Variants in ROBO1 observed in about 807,000 individuals in gnomAD.
ROBO1 encodes the protein roundabout homolog 1.
Under a neutral mutation model 195.9 loss-of-function variants are expected in ROBO1, and 149 were observed. The observed-to-expected ratio is 0.76, with a 90% confidence interval of 0.67 to 0.87. The LOEUF (loss-of-function observed/expected upper bound fraction) is 0.87. ROBO1 is among the 40% of genes least tolerant of loss of function. ROBO1 has a pLI of 0.00. For missense variants in ROBO1, 1,933 were observed against 2,068.3 expected (o/e 0.93, Z 1.27); for synonymous variants, 816 against 733.2 (o/e 1.11, Z -1.82).
chr3:79,200,547 A>T (rs2081743834), intron 2 of ROBO1, among the ~76,000 whole-genome samples: 1 of 151,836 alleles, frequency 6.6e-6, no homozygotes, highest in Non-Finnish European at 1.5e-5. Flanking sequence ...ACATACTGTA[A>T]TAAGAAAACA....
At chr3:79,357,901 A>T in intron 2 of ROBO1, among the ~76,000 whole-genome samples, 1 of 152,264 alleles carries the variant, frequency 6.6e-6, no homozygotes, top group African/African-American at 2.4e-5. Context: ...TTTGCGGATT[A>T]GTGGAAACAA....
chr3:78,676,211 C>T (rs1405919400), intron 10 of ROBO1, among the ~76,000 whole-genome samples: 1 of 152,082 alleles, frequency 6.6e-6, no homozygotes, highest in Non-Finnish European at 1.5e-5. Context: ...GTAGATAAAA[C>T]CAGAAAGATG....
At chr3:79,557,157 A>G (rs115525613) in intron 2 of ROBO1, among the ~76,000 whole-genome samples, 1 of 152,000 alleles carries the variant, frequency 6.6e-6, no homozygotes, top group Admixed American at 6.6e-5. Context: ...GTTTAAAATT[A>G]TTAAATTAAT....
intron 3 of ROBO1, among the ~76,000 whole-genome samples, chr3:78,973,599 A>C: frequency 7.2e-6 from 1 of 139,388 alleles, no homozygotes. Context: ...ATATATATAT[A>C]GCTTCTTAGG....
intron 3 of ROBO1, among the ~76,000 whole-genome samples, chr3:79,109,426 T>C (rs1247383935): frequency 6.6e-6 from 1 of 152,010 alleles, no homozygotes; most frequent in Non-Finnish European, 1.5e-5. Context: ...ACATACCACA[T>C]AAATGAAGCA....
At chr3:78,757,134 C>T (rs1025967801) in intron 4 of ROBO1, among the ~76,000 whole-genome samples, 12 of 152,096 alleles carry the variant, frequency 7.9e-5, no homozygotes, top group African/African-American at 2.9e-4. Context: ...TCACGTGAGC[C>T]ACCTGCGTCA....
At chr3:78,689,136 C>T (rs192570362) in intron 8 of ROBO1, among the ~76,000 whole-genome samples, 1 of 152,256 alleles carries the variant, frequency 6.6e-6, no homozygotes, top group East Asian at 1.9e-4. Context: ...TTTAATCATA[C>T]ACACAAGGAT....
intron 1 of ROBO1, among the ~76,000 whole-genome samples, chr3:79,644,521 G>A (rs951544849): frequency 6.6e-6 from 1 of 152,124 alleles, no homozygotes; most frequent in African/African-American, 2.4e-5. Context: ...AAGAAAGAGA[G>A]CTTGTGCAGG....
At chr3:79,021,349 G>C (rs1285856262) in intron 3 of ROBO1, among the ~76,000 whole-genome samples, 1 of 152,176 alleles carries the variant, frequency 6.6e-6, no homozygotes, top group Non-Finnish European at 1.5e-5. Context: ...TAGTACTTGA[G>C]AGAAAGAGAG....
chr3:78,726,959 G>A (rs2082175836), intron 5 of ROBO1, among the ~76,000 whole-genome samples: 1 of 152,158 alleles, frequency 6.6e-6, no homozygotes, highest in Non-Finnish European at 1.5e-5. Flanking sequence ...CAGAGAATAG[G>A]AGGAGGTAAA....
chr3:79,392,282 G>A, intron 2 of ROBO1, among the ~76,000 whole-genome samples: 1 of 152,180 alleles, frequency 6.6e-6, no homozygotes, highest in Non-Finnish European at 1.5e-5. Context: ...CCTCAGTCGA[G>A]AAAACATTTT....
chr3:78,643,853 A>G (rs1706118197), intron 21 of ROBO1, among the ~76,000 whole-genome samples: 1 of 152,148 alleles, frequency 6.6e-6, no homozygotes, highest in East Asian at 1.9e-4. Flanking sequence ...TAGGCAAAGG[A>G]GAAGTAGGGC....
chr3:79,748,646 C>G (rs1211281766), intron 1 of ROBO1, among the ~76,000 whole-genome samples: 1 of 152,066 alleles, frequency 6.6e-6, no homozygotes, highest in African/African-American at 2.4e-5. Flanking sequence ...GTGAGAGGAA[C>G]CTGGTGGGAG....
intron 2 of ROBO1, among the ~76,000 whole-genome samples, chr3:79,559,450 C>A (rs1319075814): frequency 6.6e-6 from 1 of 152,142 alleles, no homozygotes; most frequent in Non-Finnish European, 1.5e-5. Flanking sequence ...GTTAAATGCT[C>A]TTGGGCAAAG....
At chr3:79,139,467 A>G (rs1396098118) in intron 2 of ROBO1, among the ~76,000 whole-genome samples, 1 of 152,132 alleles carries the variant, frequency 6.6e-6, no homozygotes, top group Non-Finnish European at 1.5e-5. Context: ...GTATGACACA[A>G]CATGTTTTTT....
intron 3 of ROBO1, among the ~76,000 whole-genome samples, chr3:78,951,093 C>T (rs1232420945): frequency 1.3e-5 from 2 of 151,414 alleles, no homozygotes; most frequent in South Asian, 2.1e-4. Flanking sequence ...ATATATATAA[C>T]TCTGACTCAC....
chr3:78,932,554 T>G (rs2039587515), intron 4 of ROBO1, among the ~76,000 whole-genome samples: 1 of 152,170 alleles, frequency 6.6e-6, no homozygotes, highest in Non-Finnish European at 1.5e-5. Context: ...GCATCCAATC[T>G]AGAGAGTCAA....
At chr3:78,676,425 T>A (rs1416064455) in intron 10 of ROBO1, among the ~76,000 whole-genome samples, 2 of 152,046 alleles carry the variant, frequency 1.3e-5, no homozygotes, top group East Asian at 1.9e-4. Flanking sequence ...TTAAAAACTT[T>A]AAAAAAATTT....
At chr3:79,289,072 A>T (rs2032073995) in intron 2 of ROBO1, among the ~76,000 whole-genome samples, 1 of 151,442 alleles carries the variant, frequency 6.6e-6, no homozygotes, top group Non-Finnish European at 1.5e-5. Context: ...AGAATATTTA[A>T]TCTAAGTCCA....
Sources: gnomAD v4.1 joint callset for allele counts (sites outside exome capture counted in the v4.1 genomes callset) on GRCh38, gnomAD v4.1.1 for gene constraint, MANE v1.5 for transcripts, NCBI Gene and HGNC (gene_info 2026-07-23, HGNC 2026-07-21) for gene names.